Variants in SAMD9 observed in about 807,000 individuals in gnomAD.
SAMD9 encodes sterile alpha motif domain containing 9, also known as sterile alpha motif domain-containing protein 9.
In SAMD9, 3 loss-of-function variants were observed where a neutral mutation model predicts 1.5. The observed-to-expected ratio is 2.05, with a 90% CI of 0.93 to 5.29. SAMD9 has a LOEUF of 5.29. Among genes scored for constraint, SAMD9 ranks in the 30% most tolerant of loss-of-function variants. The pLI, the probability that SAMD9 is intolerant of heterozygous loss-of-function variation, is 0.02. For missense variants in SAMD9, 1,597 were observed against 1,820.8 expected (o/e 0.88, Z 2.24); for synonymous variants, 635 against 631.9 (o/e 1.00, Z -0.07).
intron 2 of SAMD9, among the ~76,000 whole-genome samples, chr7:93,113,073 C>A (rs534880881): frequency 6.6e-6 from 1 of 152,142 alleles, no homozygotes; most frequent in Admixed American, 6.5e-5. Context: ...GCTACAGTAA[C>A]CAAAACAGCA....
chr7:93,103,192 T>G lies in SAMD9; in HGVS notation c.2906A>C (p.Lys969Thr). Residue 969 changes from lysine (K) to threonine (T), a missense_variant, in exon 3 of 3, where the codon AAA becomes ACA. This residue lies in a region of SAMD9 where 682 missense variants were observed against 810.0 expected (regional missense o/e 0.84). Coordinates refer to ENST00000379958, the MANE Select transcript of SAMD9 (RefSeq NM_017654.4). ...GTTCCCACATTCGATGACCTCTGTTTTTATCAGAATTGTAGAGTAGGTGCC... is the reference window on the plus strand; with the variant it reads ...GTTCCCACATTCGATGACCTCTGTTGTTATCAGAATTGTAGAGTAGGTGCC... ...KMGTYSTILIKTEVIECGNYC... is the reference protein window; with the variant it reads ...KMGTYSTILITTEVIECGNYC... 5 of 1,613,868 alleles carry G rather than the reference T, an allele frequency of 3.1e-6. No homozygotes were observed. The highest frequency in any genetic ancestry group is 4.2e-6 in the Non-Finnish European group (5 of 1,179,776).
At position 93,115,794 on chromosome 7, in the gene SAMD9, T is replaced by A. The variant is rs186702764; in HGVS notation, c.-109-899A>T. The stretch of plus-strand genomic sequence containing the variant: ...AAGGATAATTGTGAATTCAATGGTA[T>A]GTGAGGTCCTAAAGTTTTACTAGGT... On this transcript the variant is annotated intron_variant, in intron 1 of 2. Coordinates refer to ENST00000379958, the MANE Select transcript of SAMD9 (RefSeq NM_017654.4). Among the ~76,000 whole-genome samples the A allele has an allele frequency of 2.0e-5, 3 of 152,346 alleles. No individual in the cohort carries two copies. In the East Asian group the frequency reaches 5.8e-4, roughly 29 times the overall value.
intron 2 of SAMD9, among the ~76,000 whole-genome samples, chr7:93,107,288 A>T (rs1791662215): frequency 6.6e-6 from 1 of 152,148 alleles, no homozygotes; most frequent in South Asian, 2.1e-4. Flanking sequence ...GTTCCATGTC[A>T]TCTGGAATAG....
At position 93,100,963 on chromosome 7, in the gene SAMD9, C is replaced by G; in HGVS notation, c.*365G>C. On this transcript the variant is annotated 3_prime_UTR_variant, in exon 3 of 3. Transcript: ENST00000379958. ...AATATTTTCCCAGACATTCTAATGT[C>G]TAAATGCCATTTGAGTAGACAATCT... is the stretch of plus-strand genomic sequence containing the variant. 3.8e-6 allele frequency: 1 copy of G among 264,750 alleles called. No individual in the cohort carries two copies. The highest frequency in any genetic ancestry group is 1.4e-3 in the Middle Eastern group (1 of 702). 16.4% of individuals were successfully genotyped at this position (264,750 alleles called of 1,614,324 possible).
At chr7:93,116,989 T>G (rs28571873) in intron 1 of SAMD9, among the ~76,000 whole-genome samples, 38,555 of 152,082 alleles carry the variant, frequency 0.25, 5,633 homozygotes, top group African/African-American at 0.4. Context: ...TCTTGCATTA[T>G]CTTACTGTTT....
In SAMD9 at chr7:93,114,881, C is replaced by G. The variant is rs1392369271; in HGVS notation, c.-95G>C. ...AAGGCCACCTATTCACCCACTGCAA[C>G]CATGAGATCAAAATCTGAAAAATTG... is the stretch of plus-strand genomic sequence containing the variant. On this transcript the variant is annotated 5_prime_UTR_variant, in exon 2 of 3. Coordinates refer to ENST00000379958, the MANE Select transcript of SAMD9 (RefSeq NM_017654.4). 6.6e-6 allele frequency: 1 copy of G among 152,170 alleles called. No individual in the cohort carries two copies. The highest frequency in any genetic ancestry group is 1.5e-5 in the Non-Finnish European group (1 of 68,030). The allele number at this position is 152,170 out of a possible 1,614,324, so 9.4% of individuals were successfully genotyped here. A position where few individuals can be genotyped will look rare whatever the true frequency, so the allele number is the denominator to read the frequency against.
chr7:93,112,683 T>C lies in SAMD9; in HGVS notation c.-9+2112A>G, dbSNP rs190270195. The stretch of plus-strand genomic sequence containing the variant: ...AACAGACAAACAGAGAGCCAAATGA[T>C]GAGTGAACTCCCATTCACAATTGCT... On this transcript the variant is annotated intron_variant, in intron 2 of 2. Transcript: ENST00000379958. 4.2e-3 allele frequency among the ~76,000 whole-genome samples: 636 copies of C among 152,286 alleles called. 3 individuals are homozygous for C. Among genetic ancestry groups the C allele is most frequent in the Admixed American group, 6.9e-3 (106 of 15,290 alleles).
Position 93,100,531 on chromosome 7 carries a change from T to C in SAMD9, c.*797A>G, listed in dbSNP as rs150065507. On this transcript the variant is annotated 3_prime_UTR_variant, in exon 3 of 3. Transcript: ENST00000379958. ...TTTTGATTACGTATCGCTGGTTGTT[T>C]TTGTTCAAAACATAGGTTGTATGTT... is the stretch of plus-strand genomic sequence containing the variant. 6.6e-6 allele frequency: 1 copy of C among 152,300 alleles called. No individual in the cohort carries two copies. The highest frequency in any genetic ancestry group is 2.4e-5 in the African/African-American group (1 of 41,568). 9.4% of individuals were successfully genotyped at this position (152,300 alleles called of 1,614,324 possible).
Position 93,103,108 on chromosome 7 carries a change from T to C in SAMD9, c.2990A>G (p.Lys997Arg). ...ACTTTTATTCAGGTGATAGCTTTTCTTCAATTCTTCCAGTGAGAACTCTGC... is the reference window on the plus strand; with the variant it reads ...ACTTTTATTCAGGTGATAGCTTTTCCTCAATTCTTCCAGTGAGAACTCTGC... Reference protein sequence around the residue: ...LIAEFSLEELKKSYHLNKSQI... With the variant: ...LIAEFSLEELRKSYHLNKSQI... The change falls in exon 3 of 3, where the codon AAG becomes AGG. Residue 997 changes from lysine (K) to arginine (R), a missense_variant. Transcript: ENST00000379958. The C allele has an allele frequency of 1.9e-6, 3 of 1,613,834 alleles. No homozygotes were observed. Among genetic ancestry groups the C allele is most frequent in the Non-Finnish European group, 2.5e-6 (3 of 1,179,768 alleles).
chr7:93,104,672 G>C lies in SAMD9; in HGVS notation c.1426C>G (p.Pro476Ala). ...PSVYVEQKTT[P>A]NETISTLNLY... ...TTTAGAGTAGAAATCGTCTCATTTG[G>C]TGTGGTTTTCTGTTCTACATATACA... Residue 476 changes from proline to alanine, a missense_variant, in exon 3 of 3, where the codon CCA becomes GCA. Coordinates refer to ENST00000379958, the MANE Select transcript of SAMD9 (RefSeq NM_017654.4). 1.2e-6 allele frequency: 2 copies of C among 1,614,050 alleles called. No homozygotes were observed. The highest frequency in any genetic ancestry group is 1.7e-6 in the Non-Finnish European group (2 of 1,179,942).
At position 93,102,977 on chromosome 7, in the gene SAMD9, C is replaced by T; in HGVS notation, c.3121G>A (p.Asp1041Asn). The change falls in exon 3 of 3, where the codon GAT (aspartate) becomes AAT (asparagine). Residue 1041 changes from aspartate (D) to asparagine (N), a missense_variant. Around this residue, in one of 6 missense-constraint regions of SAMD9, gnomAD observed 682 missense variants for 810.0 expected, o/e 0.84. Transcript: ENST00000379958. ...TTTCCTGTTTCACCTTCATGTTCAT[C>T]GCGGTGTCTTGTGAGTAGGAGTGTG... ...MHTLLLTRHR[D>N]EHEGETGNWF... 6.2e-7 allele frequency: 1 copy of T among 1,613,824 alleles called. No homozygotes were observed. The highest frequency in any genetic ancestry group is 8.5e-7 in the Non-Finnish European group (1 of 1,179,808).
At chr7:93,115,539 T>C (rs776140090) in intron 1 of SAMD9, among the ~76,000 whole-genome samples, 23 of 152,136 alleles carry the variant, frequency 1.5e-4, no homozygotes, top group Non-Finnish European at 2.1e-4. Context: ...GGGGTGGATA[T>C]TTTCTGGGAA....
In SAMD9 at chr7:93,105,802, T is replaced by A. The variant is rs771959603; in HGVS notation, c.296A>T (p.Gln99Leu). Residue 99 changes from glutamine to leucine, a missense_variant, in exon 3 of 3, where the codon CAA becomes CTA. Gln to Leu is a moderately radical substitution (Grantham distance 113). Coordinates refer to ENST00000379958, the MANE Select transcript of SAMD9 (RefSeq NM_017654.4). ...TCTACGTTCCTTTTGAGACACAGTT[T>A]GGTCTTTAGGAGCATTTTTACTGGG... ...GKPSKNAPKD[Q>L]TVSQKERRET... The A allele has an allele frequency of 5.6e-6, 9 of 1,614,176 alleles. No homozygotes were observed. Among genetic ancestry groups the A allele is most frequent in the Non-Finnish European group, 7.6e-6 (9 of 1,180,016 alleles).
chr7:93,102,506 G>C lies in SAMD9; in HGVS notation c.3592C>G (p.Gln1198Glu). Residue 1198 changes from glutamine to glutamate, a missense_variant, in exon 3 of 3, where the codon CAA becomes GAA. Gln to Glu is a conservative substitution (Grantham distance 29, BLOSUM62 2). Around this residue, in one of 6 missense-constraint regions of SAMD9, gnomAD observed 682 missense variants for 810.0 expected, o/e 0.84. Transcript: ENST00000379958. ...TAAAGCCCAACTTCTATCTCTCCTT[G>C]ATAACCAGCTATATTGTAAGTATCA... ...RYDTYNIAGY[Q>E]GEIEVGLYTI... 1 of 1,613,706 alleles carries C rather than the reference G, an allele frequency of 6.2e-7. No individual in the cohort carries two copies. The highest frequency in any genetic ancestry group is 2.2e-5 in the East Asian group (1 of 44,856).
intron 2 of SAMD9, among the ~76,000 whole-genome samples, chr7:93,107,262 G>A (rs1455012103): frequency 1.3e-5 from 2 of 151,994 alleles, no homozygotes; most frequent in South Asian, 2.1e-4. Context: ...TCTTAATTTT[G>A]TCTGTGAGCT....
In SAMD9 at chr7:93,101,308, G is replaced by A. The variant is rs1220126000; in HGVS notation, c.*20C>T. On this transcript the variant is annotated 3_prime_UTR_variant, in exon 3 of 3. Transcript: ENST00000379958. ...AAATGGGTACTGAGATCAAATTCTT[G>A]GAGGAAGAATATCAGGCTCTTAAAC... is the stretch of plus-strand genomic sequence containing the variant. 6.3e-7 allele frequency: 1 copy of A among 1,591,910 alleles called. No homozygotes were observed. Among genetic ancestry groups the A allele is most frequent in the South Asian group, 1.1e-5 (1 of 90,764 alleles).
chr7:93,105,298 A>T lies in SAMD9; in HGVS notation c.800T>A (p.Met267Lys). The change falls in exon 3 of 3, where the codon ATG becomes AAG. Residue 267 changes from methionine (M) to lysine (K), a missense_variant. Physicochemically the swap from Met to Lys is moderately conservative, Grantham distance 95. This residue lies in a region of SAMD9 where 498 missense variants were observed against 457.4 expected (regional missense o/e 1.09). Transcript: ENST00000379958. ...ATGGTCTTCAAAATACTTGTTTATC[A>T]TCAGATTGAAATGGTTAATGAGGGC... ...KEALINHFNL[M>K]INKYFEDHQV... is the part of the protein sequence containing the mutation. 6.2e-7 allele frequency: 1 copy of T among 1,614,000 alleles called. No individual in the cohort carries two copies. Among genetic ancestry groups the T allele is most frequent in the Non-Finnish European group, 8.5e-7 (1 of 1,179,976 alleles).
chr7:93,105,122 G>T lies in SAMD9; in HGVS notation c.976C>A (p.Gln326Lys). The change falls in exon 3 of 3, where the codon CAA (glutamine) becomes AAA (lysine). Residue 326 changes from glutamine to lysine, a missense_variant. Around this residue, in one of 6 missense-constraint regions of SAMD9, gnomAD observed 498 missense variants for 457.4 expected, o/e 1.09. Transcript: ENST00000379958. ...TCCCATATTTTGTTGTTGTAATTTT[G>T]CATTTTAATCTGGAAATAATCATAT... ...CQYDYFQIKM[Q>K]NYNNKIWEQS... The T allele has an allele frequency of 6.2e-7, 1 of 1,613,548 alleles. No homozygotes were observed. Among genetic ancestry groups the T allele is most frequent in the Non-Finnish European group, 8.5e-7 (1 of 1,179,814 alleles).
Position 93,103,891 on chromosome 7 carries a change from T to C in SAMD9, c.2207A>G (p.Tyr736Cys). 6.2e-7 allele frequency: 1 copy of C among 1,614,008 alleles called. No individual in the cohort carries two copies. The highest frequency in any genetic ancestry group is 8.5e-7 in the Non-Finnish European group (1 of 1,179,864). Residue 736 changes from tyrosine (Y) to cysteine (C), a missense_variant, in exon 3 of 3, where the codon TAT (tyrosine) becomes TGT (cysteine). Transcript: ENST00000379958. ...AGTTCCCCCACAGCCTGGATGATGA[T>C]ACAGATGAATAATTTTGGTACTTGT... Reference protein sequence around the residue: ...KPTSTKIIHLYHHPGCGGTTL... With the variant: ...KPTSTKIIHLCHHPGCGGTTL...
Sources: allele counts gnomAD v4.1 joint callset (sites outside exome capture counted in the v4.1 genomes callset), GRCh38; gene constraint gnomAD v4.1.1; regional missense constraint gnomAD v4.1.1; transcripts MANE v1.5; gene names NCBI Gene and HGNC (gene_info 2026-07-23, HGNC 2026-07-21).